The following CACNA1C variants were observed in gnomAD, a reference collection of about 807,000 sequenced individuals.
CACNA1C encodes voltage-dependent L-type calcium channel subunit alpha-1C.
Under a neutral mutation model 229.0 loss-of-function variants are expected in CACNA1C, and 30 were observed. The ratio of observed to expected loss-of-function variants is 0.13; its 90% CI spans 0.10 to 0.18. The LOEUF (loss-of-function observed/expected upper bound fraction) is 0.18, where lower values mean the gene tolerates loss of function less well. Among genes scored for constraint, CACNA1C ranks in the 10% least tolerant of loss-of-function variants. The pLI, the probability that CACNA1C is intolerant of heterozygous loss-of-function variation, is 1.00. For missense variants in CACNA1C, 1,658 were observed against 2,845.0 expected (o/e 0.58, Z 9.49); for synonymous variants, 1,114 against 1,132.5 (o/e 0.98, Z 0.33).
chr12:2,605,046 AG>A lies in CACNA1C; in HGVS notation c.2961-33del, dbSNP rs776868059. 3.5e-5 allele frequency: 52 copies of A among 1,482,820 alleles called. No homozygotes were observed. The highest frequency in any genetic ancestry group is 4.6e-5 in the Non-Finnish European group (49 of 1,060,536). 91.9% of individuals were successfully genotyped at this position (1,482,820 alleles called of 1,614,324 possible). ...TATTTTTGCTCCCCCCAGAAACAGG[AG>A]GAGCTTACTACCCTGCCTGTTTCCC... On this transcript the variant is annotated intron_variant, in intron 22 of 46. Coordinates refer to ENST00000399655, the MANE Select transcript of CACNA1C (RefSeq NM_000719.7). The surrounding 1 kb of genome is among the most constrained non-coding windows in gnomAD (Gnocchi z 6.2).
At chr12:2,549,318 C>T (rs2099891370) in intron 9 of CACNA1C, among the ~76,000 whole-genome samples, 1 of 152,210 alleles carries the variant, frequency 6.6e-6, no homozygotes, top group South Asian at 2.1e-4. Context: ...CTCCTCACTC[C>T]TTATGTCTGC....
chr12:2,466,294 C>T (rs1338618414), intron 5 of CACNA1C, among the ~76,000 whole-genome samples: 3 of 152,218 alleles, frequency 2.0e-5, no homozygotes, highest in Non-Finnish European at 2.9e-5. Flanking sequence ...CCCATCGTGG[C>T]TCCCAGGAAA....
At chr12:2,596,338 A>G (rs1452865104) in intron 20 of CACNA1C, 2 of 211,522 alleles carry the variant, frequency 9.5e-6, no homozygotes, top group African/African-American at 4.6e-5. Flanking sequence ...TGCTCCCAGC[A>G]TGCTCTGACC....
chr12:2,582,776 G>C (rs1256972256), intron 14 of CACNA1C, 46 bp from the exon 15 acceptor site: 1 of 1,601,350 alleles, frequency 6.2e-7, no homozygotes, highest in South Asian at 1.1e-5. Context: ...TGGGTTTGCT[G>C]TTGGTCTAAC....
upstream of CACNA1C, chr12:2,052,932 G>A (rs1240222947): frequency 3.1e-6 from 3 of 967,468 alleles, no homozygotes; most frequent in Non-Finnish European, 3.7e-6. Flanking sequence ...GGGCGGGCGC[G>A]GGCGCGGCGG....
intron 3 of CACNA1C, among the ~76,000 whole-genome samples, chr12:2,121,693 A>G (rs530242881): frequency 6.6e-6 from 1 of 152,312 alleles, no homozygotes; most frequent in South Asian, 2.1e-4. Flanking sequence ...CTTAAGGGGC[A>G]AGAAATCTTT....
At position 1,971,124 on chromosome 12, in the gene CACNA1C, C is replaced by G. The variant is rs1418424825; in HGVS notation, c.62C>G (p.Ser21Cys). The change falls in exon 1 of 47, where the codon TCT (serine) becomes TGT (cysteine). Residue 21 changes from serine to cysteine, a missense_variant. Ser to Cys is a moderately radical substitution (Grantham distance 112). Transcript: ENST00000682462. This position sits in a 1 kb window ranked among gnomAD's most constrained non-coding sequence, Gnocchi z 4.2. ...TACCAGCCGCTTCCCAGCCACCTGT[C>G]TGCCAACACGGAGGTCAAGTTTAAG... 2 of 1,289,366 alleles carry G rather than the reference C, an allele frequency of 1.6e-6. No homozygotes were observed. The highest frequency in any genetic ancestry group is 4.6e-5 in the Admixed American group (2 of 43,572). 79.9% of individuals were successfully genotyped at this position (1,289,366 alleles called of 1,614,324 possible).
At chr12:2,138,795 C>G (rs1011028562) in intron 3 of CACNA1C, among the ~76,000 whole-genome samples, 1 of 151,050 alleles carries the variant, frequency 6.6e-6, no homozygotes, top group African/African-American at 2.4e-5. Flanking sequence ...GCCAAATACG[C>G]CTCTTTTCTT....
In CACNA1C at chr12:2,653,734, T is replaced by C; in HGVS notation, c.4075-101T>C. 2 of 999,684 alleles carry C rather than the reference T, an allele frequency of 2.0e-6. No homozygotes were observed. The highest frequency in any genetic ancestry group is 1.6e-6 in the Non-Finnish European group (1 of 641,614). 61.9% of individuals were successfully genotyped at this position (999,684 alleles called of 1,614,324 possible). On this transcript the variant is annotated intron_variant, in intron 32 of 46. Transcript: ENST00000399655. The surrounding 1 kb of genome is among the most constrained non-coding windows in gnomAD (Gnocchi z 4.7). ...GTGTCCCCCGGCCCAAACCGGGCAA[T>C]AGCTGATGGCTGCAGAGACAGGGAT...
chr12:2,075,766 T>C (rs918552334), intron 1 of CACNA1C, among the ~76,000 whole-genome samples: 6 of 152,208 alleles, frequency 3.9e-5, no homozygotes, highest in African/African-American at 1.2e-4. Flanking sequence ...TGGAGCCAGG[T>C]TCCCAGAGTC....
chr12:2,497,054 G>T (rs16929482), intron 7 of CACNA1C, among the ~76,000 whole-genome samples: 7,761 of 152,058 alleles, frequency 0.051, 487 homozygotes, highest in East Asian at 0.34. Flanking sequence ...TTCACGTTTT[G>T]TTTTTTTCAA....
rs2058280395 is a variant in CACNA1C, at chr12:2,063,492, G to C, written c.49+9881G>C. On this transcript the variant is annotated intron_variant, in intron 1 of 46. Coordinates refer to ENST00000399655, the MANE Select transcript of CACNA1C (RefSeq NM_000719.7). ...ACAGTTGGAGTTTGCTGTGTAGTCT[G>C]ACTGTTGATAACATATCTCACAAAT... Among the ~76,000 whole-genome samples the C allele has an allele frequency of 1.3e-5, 2 of 152,292 alleles. 1 individual carries two copies.
chr12:2,655,868 G>T (rs748626095), intron 34 of CACNA1C, among the ~76,000 whole-genome samples: 2 of 152,144 alleles, frequency 1.3e-5, no homozygotes, highest in Non-Finnish European at 2.9e-5. Flanking sequence ...AATAGATGCA[G>T]AAAAAGCATT....
At chr12:2,175,590 A>G (rs111818517) in intron 3 of CACNA1C, among the ~76,000 whole-genome samples, 4 of 152,222 alleles carry the variant, frequency 2.6e-5, no homozygotes, top group African/African-American at 9.6e-5. Flanking sequence ...CTCATCCTTC[A>G]TCTATTACTG....
chr12:2,643,207 G>T (rs1398036146), intron 30 of CACNA1C, among the ~76,000 whole-genome samples: 1 of 152,220 alleles, frequency 6.6e-6, no homozygotes, highest in African/African-American at 2.4e-5. Flanking sequence ...CCTTCTAGCT[G>T]GAATTCCACT....
intron 3 of CACNA1C, among the ~76,000 whole-genome samples, chr12:2,136,621 G>A (rs1320684553): frequency 6.6e-6 from 1 of 151,298 alleles, no homozygotes; most frequent in Admixed American, 6.6e-5. Flanking sequence ...AGTGAAGGAG[G>A]GAGTGAACGT....
At chr12:2,352,133 AAGAC>A (rs2097218396) in intron 3 of CACNA1C, among the ~76,000 whole-genome samples, 1 of 152,184 alleles carries the variant, frequency 6.6e-6, no homozygotes, top group Non-Finnish European at 1.5e-5. Flanking sequence ...GCTTGGTGTG[AAGAC>A]AGACAGTCTA....
At chr12:2,051,244 A>C (rs1369490708), upstream of CACNA1C, among the ~76,000 whole-genome samples, 1 of 152,184 alleles carries the variant, frequency 6.6e-6, no homozygotes. Context: ...CAAAGGCCTT[A>C]CAATGTGCGT....
intron 3 of CACNA1C, among the ~76,000 whole-genome samples, chr12:2,259,940 G>A (rs540105290): frequency 1.4e-4 from 22 of 152,156 alleles, no homozygotes; most frequent in African/African-American, 4.8e-4. Flanking sequence ...TAATAGCTTT[G>A]TGAGCTAAGT....
Sources: gnomAD v4.1 joint callset for allele counts (sites outside exome capture counted in the v4.1 genomes callset) on GRCh38, gnomAD v4.1.1 for gene constraint, Gnocchi (gnomAD v3.1) non-coding constraint, MANE v1.5 for transcripts, NCBI Gene and HGNC (gene_info 2026-07-23, HGNC 2026-07-21) for gene names.